PHAF1: variants seen among roughly 807,000 people sequenced by gnomAD.
PHAF1 encodes the protein phagophore assembly factor 1, also known as phagosome assembly factor 1.
Under a neutral mutation model 63.1 loss-of-function variants are expected in PHAF1, and 23 were observed. That is an observed-to-expected ratio of 0.36 (90% CI 0.26 to 0.52). The LOEUF (loss-of-function observed/expected upper bound fraction) is 0.52. Ranked by LOEUF, PHAF1 falls within the 20% of genes least tolerant of loss-of-function variation. PHAF1 has a pLI of 0.93. For missense variants in PHAF1, 427 were observed against 517.2 expected (o/e 0.83, Z 1.69); for synonymous variants, 167 against 185.0 (o/e 0.90, Z 0.79).
chr16:67,145,363 C>T lies in PHAF1; in HGVS notation c.1007-13C>T. 1.2e-6 allele frequency: 2 copies of T among 1,614,004 alleles called. No homozygotes were observed. Among genetic ancestry groups the T allele is most frequent in the Non-Finnish European group, 8.5e-7 (1 of 1,179,966 alleles). ...GCCAGCTACAAATCTGCCCCACTGTCTTCTCTTTTCAGAAAACGCAGATGG... is the reference window on the plus strand; with the variant it reads ...GCCAGCTACAAATCTGCCCCACTGTTTTCTCTTTTCAGAAAACGCAGATGG... On this transcript the variant is annotated splice_polypyrimidine_tract_variant and intron_variant, in intron 12 of 15. Transcript: ENST00000219139.
chr16:67,118,654 T>C (rs1962850341), intron 1 of PHAF1, among the ~76,000 whole-genome samples: 1 of 151,418 alleles, frequency 6.6e-6, no homozygotes, highest in Non-Finnish European at 1.5e-5. Context: ...TATTTTTAAA[T>C]TAAATAAAAA....
chr16:67,114,574 AAAAC>A (rs980595124), intron 1 of PHAF1, among the ~76,000 whole-genome samples: 4 of 151,922 alleles, frequency 2.6e-5, no homozygotes, highest in African/African-American at 9.7e-5. Context: ...AAAAAAAAAA[AAAAC>A]CACAGGAGAA....
At chr16:67,136,308 G>GAA (rs574096104) in intron 8 of PHAF1, 9 of 131,670 alleles carry the variant, frequency 6.8e-5, no homozygotes, top group Non-Finnish European at 8.2e-5. Flanking sequence ...CCTTCTCACA[G>GAA]AAAAAAAAAA....
rs370677267 is a variant in PHAF1, at chr16:67,140,585, T to G, written c.870T>G (p.Thr290=). The G allele has an allele frequency of 4.2e-5, 66 of 1,588,004 alleles. No homozygotes were observed. Among genetic ancestry groups the G allele is most frequent in the Non-Finnish European group, 5.7e-5 (66 of 1,156,320 alleles). The part of the protein sequence containing the change: ...KCNDYFFNYF[T]LGVDILFDAN... The stretch of plus-strand genomic sequence containing the variant: ...ATGACTACTTTTTTAACTACTTCAC[T>G]CTTGGAGTGGTAAGTTGTGATTCCT... The change falls in exon 10 of 16, where the codon ACT becomes ACG. Residue 290 remains threonine, a synonymous_variant. Transcript: ENST00000219139.
At chr16:67,122,379 G>A (rs1319012582) in intron 2 of PHAF1, among the ~76,000 whole-genome samples, 3 of 152,180 alleles carry the variant, frequency 2.0e-5, no homozygotes, top group East Asian at 1.9e-4. Flanking sequence ...CGGGAGGGCC[G>A]AGGCAGGAAG....
chr16:67,133,008 T>C (rs1963466598), intron 6 of PHAF1, 97 bp downstream of exon 6: 1 of 979,060 alleles, frequency 1.0e-6, no homozygotes, highest in South Asian at 1.6e-5. Flanking sequence ...GGGTATTAGA[T>C]AGGCAGACTT....
At chr16:67,138,388 C>T (rs987350355) in intron 8 of PHAF1, among the ~76,000 whole-genome samples, 1 of 152,164 alleles carries the variant, frequency 6.6e-6, no homozygotes, top group Non-Finnish European at 1.5e-5. Flanking sequence ...GAAGCTTCTG[C>T]ATATAAAAAA....
chr16:67,145,711 G>A lies in PHAF1; in HGVS notation c.1109+83G>A, dbSNP rs2029998584. On this transcript the variant is annotated intron_variant, in intron 14 of 15. Coordinates refer to ENST00000219139, the MANE Select transcript of PHAF1 (RefSeq NM_025187.5). The stretch of plus-strand genomic sequence containing the variant: ...CCCAGGGAAGCCTGGCACAGTGGAT[G>A]TTGCTTAAAAATTACAGAAGTTTCT... 3.5e-6 allele frequency: 5 copies of A among 1,446,550 alleles called. No individual in the cohort carries two copies. In the South Asian group the frequency reaches 5.0e-5, roughly 15 times the overall value. The allele number at this position is 1,446,550 out of a possible 1,614,324, so 89.6% of individuals were successfully genotyped here.
At position 67,110,082 on chromosome 16, in the gene PHAF1, C is replaced by T. The variant is rs1962443318; in HGVS notation, c.-94C>T. The stretch of plus-strand genomic sequence containing the variant: ...GGAAAGCGGGGCTGTGGCGGGCCGG[C>T]GGGGGCGGCCTGTCAGCCGCTGCTT... On this transcript the variant is annotated 5_prime_UTR_variant, in exon 1 of 16. Coordinates refer to ENST00000219139, the MANE Select transcript of PHAF1 (RefSeq NM_025187.5). 3.0e-6 allele frequency: 4 copies of T among 1,354,452 alleles called. No homozygotes were observed. Among genetic ancestry groups the T allele is most frequent in the South Asian group, 2.8e-5 (2 of 71,186 alleles). 83.9% of individuals were successfully genotyped at this position (1,354,452 alleles called of 1,614,324 possible).
intron 2 of PHAF1, among the ~76,000 whole-genome samples, chr16:67,121,470 G>A (rs934305569): frequency 1.4e-5 from 2 of 147,776 alleles, no homozygotes; most frequent in Non-Finnish European, 3.0e-5. Context: ...CCAGAGTGCT[G>A]GGATTACAAG....
chr16:67,140,668 C>A, intron 10 of PHAF1, 74 bp downstream of exon 10: 3 of 1,154,326 alleles, frequency 2.6e-6, no homozygotes, highest in Non-Finnish European at 3.9e-6. Context: ...ATCTGTGTGT[C>A]CACATGCAGC....
At chr16:67,131,386 C>A in intron 4 of PHAF1, 57 bp downstream of exon 4, 1 of 1,239,952 alleles carries the variant, frequency 8.1e-7, no homozygotes, top group Non-Finnish European at 1.1e-6. Context: ...GCCATATCTA[C>A]TATCTTCATA....
At chr16:67,126,474 C>A (rs1019415010) in intron 3 of PHAF1, among the ~76,000 whole-genome samples, 4 of 152,084 alleles carry the variant, frequency 2.6e-5, no homozygotes, top group Non-Finnish European at 4.4e-5. Flanking sequence ...GATTCTTTAA[C>A]CCTGGGGAGG....
At chr16:67,125,281 A>G (rs147549325) in intron 2 of PHAF1, among the ~76,000 whole-genome samples, 4 of 152,220 alleles carry the variant, frequency 2.6e-5, no homozygotes, top group Admixed American at 6.5e-5. Context: ...CCCAGGATTC[A>G]GAAGGGGCAA....
intron 1 of PHAF1, 126 bp from the exon 2 acceptor site, chr16:67,119,986 A>G: frequency 2.9e-6 from 2 of 680,570 alleles, no homozygotes; most frequent in Non-Finnish European, 5.1e-6. Flanking sequence ...TTACTCATGT[A>G]TCTGTAGACC....
intron 11 of PHAF1, 45 bp downstream of exon 11, chr16:67,144,421 G>C: frequency 7.0e-7 from 1 of 1,419,846 alleles, no homozygotes; most frequent in South Asian, 1.2e-5. Context: ...GTGAGTTTTG[G>C]GCTGAAAACC....
chr16:67,113,766 T>A (rs1052932905), intron 1 of PHAF1, among the ~76,000 whole-genome samples: 1 of 150,958 alleles, frequency 6.6e-6, no homozygotes, highest in African/African-American at 2.4e-5. Context: ...TTTTTTTTTT[T>A]GAGACAGAGT....
chr16:67,114,918 A>G (rs905164122), intron 1 of PHAF1, among the ~76,000 whole-genome samples: 31 of 152,300 alleles, frequency 2.0e-4, no homozygotes, highest in African/African-American at 7.0e-4. Flanking sequence ...GAGAAGATGA[A>G]AAGATCACTT....
intron 2 of PHAF1, among the ~76,000 whole-genome samples, chr16:67,123,263 C>A (rs1304548089): frequency 1.3e-5 from 2 of 151,652 alleles, no homozygotes; most frequent in Non-Finnish European, 2.9e-5. Context: ...AGGTGTATGC[C>A]ACCACATCTG....
Sources: allele counts gnomAD v4.1 joint callset (sites outside exome capture counted in the v4.1 genomes callset), GRCh38; gene constraint gnomAD v4.1.1; transcripts MANE v1.5; gene names NCBI Gene and HGNC (gene_info 2026-07-23, HGNC 2026-07-21).